The following PDE4B variants were observed in gnomAD, a reference collection of about 807,000 sequenced individuals.
The protein encoded by PDE4B is 3',5'-cyclic-AMP phosphodiesterase 4B.
In PDE4B, 20 loss-of-function variants were observed where a neutral mutation model predicts 82.2. The ratio of observed to expected loss-of-function variants is 0.24; its 90% confidence interval spans 0.17 to 0.35. PDE4B has a LOEUF of 0.35. Among genes scored for constraint, PDE4B ranks in the 10% least tolerant of loss-of-function variants. The pLI is 1.00. For synonymous variants in PDE4B, 320 were observed against 318.9 expected, an observed-to-expected ratio of 1.00 and a Z score of -0.04; for missense variants, 655 against 907.2, an observed-to-expected ratio of 0.72 and a Z score of 3.57.
intron 7 of PDE4B, among the ~76,000 whole-genome samples, chr1:66,320,456 T>C (rs909995902): frequency 1.4e-4 from 21 of 152,198 alleles, no homozygotes; most frequent in Non-Finnish European, 2.9e-5. Flanking sequence ...TAGAGCTGAT[T>C]AGCTGTGGTA....
rs564118584 is a variant in PDE4B at position 65,845,075 on chromosome 1, T to C, written c.-71+51827T>C. On this transcript the variant is annotated intron_variant, in intron 1 of 16. Transcript: ENST00000341517. ...AAGGGGCATCTCCACCTGTCATTTC[T>C]GTACTCTGGCCTCTATGACATGATA... is the stretch of plus-strand genomic sequence containing the variant. Among the ~76,000 whole-genome samples the C allele has an allele frequency of 5.9e-5, 9 of 152,314 alleles. No individual in the cohort carries two copies. The South Asian group carries it at 1.9e-3, about 32-fold the overall frequency.
chr1:66,039,322 A>G (rs1287642551), intron 3 of PDE4B, among the ~76,000 whole-genome samples: 1 of 152,092 alleles, frequency 6.6e-6, no homozygotes, highest in African/African-American at 2.4e-5. Context: ...AGACTTCATA[A>G]TTTGGAAAAT....
intron 3 of PDE4B, among the ~76,000 whole-genome samples, chr1:65,981,212 CAA>C (rs1650668981): frequency 6.6e-6 from 1 of 152,074 alleles, no homozygotes; most frequent in Admixed American, 6.6e-5. Context: ...GATTTTAACA[CAA>C]GAGACAAATA....
At chr1:66,180,529 C>T (rs1647041433) in intron 3 of PDE4B, among the ~76,000 whole-genome samples, 1 of 152,016 alleles carries the variant, frequency 6.6e-6, no homozygotes, top group Non-Finnish European at 1.5e-5. Flanking sequence ...AAGGCTGTAG[C>T]AGTAACTCAG....
intron 3 of PDE4B, among the ~76,000 whole-genome samples, chr1:66,182,945 G>GT (rs1557615299): frequency 6.6e-6 from 1 of 152,208 alleles, no homozygotes; most frequent in African/African-American, 2.4e-5. Context: ...TGTGAATTGC[G>GT]TAAGCCCTTC....
intron 3 of PDE4B, among the ~76,000 whole-genome samples, chr1:66,102,326 A>G (rs1239161381): frequency 6.6e-6 from 1 of 152,144 alleles, no homozygotes; most frequent in Non-Finnish European, 1.5e-5. Flanking sequence ...ATGGATGTGT[A>G]TACCTAAATA....
chr1:66,049,735 GAATGTATA>G (rs1399372781), intron 3 of PDE4B, among the ~76,000 whole-genome samples: 1 of 152,002 alleles, frequency 6.6e-6, no homozygotes, highest in Admixed American at 6.6e-5. Context: ...GGGGCTTCCT[GAATGTATA>G]AATGTGGAAG....
At chr1:66,338,993 T>C (rs1468179476) in intron 8 of PDE4B, among the ~76,000 whole-genome samples, 1 of 132,970 alleles carries the variant, frequency 7.5e-6, no homozygotes, top group African/African-American at 3.0e-5. Flanking sequence ...CACTCCAGCC[T>C]GGGCGACAGA....
Position 66,090,621 on chromosome 1 carries a change from A to ATATATATATATATATGTGTGTGTG in PDE4B, c.282-156838_282-156837insATATATATATATATGTGTGTGTGT. On this transcript the variant is annotated intron_variant, in intron 3 of 16. Transcript: ENST00000341517. ...TTATATATATATATGTATATAATAT[A>ATATATATATATATATGTGTGTGTG]TGTGTGTGTGTGTGTGTGTATGTAC... 4.5e-4 allele frequency among the ~76,000 whole-genome samples: 55 copies of ATATATATATATATATGTGTGTGTG among 122,662 alleles called. 2 individuals carry two copies. Among genetic ancestry groups the ATATATATATATATATGTGTGTGTG allele is most frequent in the African/African-American group, 2.1e-3 (51 of 24,320 alleles). The allele number at this position is 122,662 out of a possible 152,430, so 80.5% of individuals were successfully genotyped here. A position where few individuals can be genotyped will look rare whatever the true frequency, so the allele number is the denominator to read the frequency against.
intron 3 of PDE4B, among the ~76,000 whole-genome samples, chr1:66,049,421 C>G (rs1369437760): frequency 1.3e-5 from 2 of 151,938 alleles, no homozygotes; most frequent in African/African-American, 4.8e-5. Flanking sequence ...GGCTTTAAAA[C>G]AGGAGTAGTA....
chr1:66,149,675 G>A (rs1646352521), intron 3 of PDE4B, among the ~76,000 whole-genome samples: 1 of 152,068 alleles, frequency 6.6e-6, no homozygotes, highest in South Asian at 2.1e-4. Flanking sequence ...GCAACATAGT[G>A]AGACCTATCT....
rs1257705139 is a variant in PDE4B, at chr1:66,365,673, T to C, written c.1291T>C (p.Phe431Leu). The C allele has an allele frequency of 6.2e-7, 1 of 1,604,556 alleles. No homozygotes were observed. The highest frequency in any genetic ancestry group is 8.5e-7 in the Non-Finnish European group (1 of 1,172,246). The change falls in exon 13 of 17, where the codon TTC (phenylalanine) becomes CTC (leucine). Residue 431 changes from phenylalanine to leucine, a missense_variant. Phe to Leu is a conservative substitution (Grantham distance 22). Coordinates refer to ENST00000341517, the MANE Select transcript of PDE4B (RefSeq NM_002600.4). ...GTGTTTATTTGCCCGACAGGCTGTC[T>C]TCACAGATTTGGAGATCCTGGCTGC... ...LLSTPALDAV[F>L]TDLEILAAIF... is the part of the protein sequence containing the mutation.
At chr1:66,062,252 T>A (rs1200858934) in intron 3 of PDE4B, among the ~76,000 whole-genome samples, 1 of 152,084 alleles carries the variant, frequency 6.6e-6, no homozygotes, top group Non-Finnish European at 1.5e-5. Flanking sequence ...CAAAATGCAA[T>A]TTTTCCTCTA....
At chr1:65,845,824 C>A (rs1042976972) in intron 1 of PDE4B, among the ~76,000 whole-genome samples, 1 of 152,104 alleles carries the variant, frequency 6.6e-6, no homozygotes, top group African/African-American at 2.4e-5. Flanking sequence ...AGTTCTGCAT[C>A]TCCTTTCTCC....
At chr1:65,840,595 C>T (rs895034682) in intron 1 of PDE4B, among the ~76,000 whole-genome samples, 4 of 152,012 alleles carry the variant, frequency 2.6e-5, no homozygotes, top group Admixed American at 1.3e-4. Flanking sequence ...AAAAAAAGTT[C>T]CCAGAAAATG....
chr1:66,123,643 T>C (rs1165888923), intron 3 of PDE4B, among the ~76,000 whole-genome samples: 2 of 152,144 alleles, frequency 1.3e-5, no homozygotes, highest in Non-Finnish European at 2.9e-5. Context: ...ATATTGCCCT[T>C]AAATAATCAT....
chr1:65,882,601 A>T (rs1304811750), intron 1 of PDE4B, among the ~76,000 whole-genome samples: 1 of 145,758 alleles, frequency 6.9e-6, no homozygotes, highest in Non-Finnish European at 1.5e-5. Context: ...GCTGCATAGT[A>T]AAAGATTTAT....
intron 3 of PDE4B, among the ~76,000 whole-genome samples, chr1:66,120,105 T>G (rs1468381923): frequency 6.6e-6 from 1 of 152,190 alleles, no homozygotes; most frequent in Non-Finnish European, 1.5e-5. Context: ...TACAACAGCC[T>G]TCGGAAACGA....
At chr1:65,864,974 C>T (rs577098383) in intron 1 of PDE4B, among the ~76,000 whole-genome samples, 12 of 152,318 alleles carry the variant, frequency 7.9e-5, no homozygotes, top group East Asian at 1.9e-4. Context: ...ACTGAAGCTG[C>T]GCCCACAACC....
Sources: allele counts gnomAD v4.1 joint callset (sites outside exome capture counted in the v4.1 genomes callset), GRCh38; gene constraint gnomAD v4.1.1; transcripts MANE v1.5; gene names NCBI Gene and HGNC (gene_info 2026-07-23, HGNC 2026-07-21).